STPG2: variants seen among roughly 807,000 people sequenced by gnomAD.
The protein encoded by STPG2 is sperm-tail PG-rich repeat-containing protein 2.
A neutral mutation model predicts 54.2 loss-of-function variants in STPG2; 56 were observed. That is an observed-to-expected ratio of 1.03 (90% CI 0.83 to 1.29). The LOEUF (loss-of-function observed/expected upper bound fraction) is 1.29. Ranked by LOEUF, STPG2 falls within the 50% of genes most tolerant of loss-of-function variation. The pLI is 0.00. For synonymous variants in STPG2, 200 were observed against 181.8 expected, an observed-to-expected ratio of 1.10 and a Z score of -0.81; for missense variants, 596 against 544.9, an observed-to-expected ratio of 1.09 and a Z score of -0.93.
At chr4:97,713,381 T>A (rs1724193525) in intron 9 of STPG2, among the ~76,000 whole-genome samples, 1 of 152,170 alleles carries the variant, frequency 6.6e-6, no homozygotes, top group Admixed American at 6.6e-5. Flanking sequence ...CCCCAAATTC[T>A]TACAGAAGTG....
At chr4:97,876,431 A>T (rs1730174397) in intron 8 of STPG2, among the ~76,000 whole-genome samples, 1 of 152,068 alleles carries the variant, frequency 6.6e-6, no homozygotes. Flanking sequence ...GATGTCTTAA[A>T]AGCATATTTA....
intron 5 of STPG2, among the ~76,000 whole-genome samples, chr4:98,099,517 G>A (rs1384345015): frequency 2.0e-5 from 3 of 152,140 alleles, no homozygotes; most frequent in South Asian, 2.1e-4. Flanking sequence ...TACTGGGTAC[G>A]AAAAATAAAT....
Position 97,597,447 on chromosome 4 carries a change from T to G in STPG2, c.1321-38330A>C, listed in dbSNP as rs541062711. On this transcript the variant is annotated intron_variant, in intron 10 of 10. Coordinates refer to ENST00000295268, the MANE Select transcript of STPG2 (RefSeq NM_174952.3). ...TCCTGATACCAAAACCTGGCAGAGA[T>G]TCAACTAAGAAAGAAAACTTTTACC... is the stretch of plus-strand genomic sequence containing the variant. 2.6e-5 allele frequency among the ~76,000 whole-genome samples: 4 copies of G among 151,880 alleles called. 1 individual carries two copies. The South Asian group carries it at 8.3e-4, about 32-fold the overall frequency.
At chr4:97,912,684 G>A (rs1012185375) in intron 8 of STPG2, among the ~76,000 whole-genome samples, 13 of 152,084 alleles carry the variant, frequency 8.5e-5, no homozygotes, top group Non-Finnish European at 1.6e-4. Context: ...AAGAAATTTG[G>A]GATAATTTAA....
intron 5 of STPG2, among the ~76,000 whole-genome samples, chr4:98,075,863 A>G (rs538171236): frequency 4.5e-4 from 69 of 152,344 alleles, no homozygotes; most frequent in African/African-American, 1.4e-3. Flanking sequence ...TATATTTTTT[A>G]GGGAGTTTAA....
chr4:97,671,062 A>G (rs1259029965), intron 10 of STPG2, among the ~76,000 whole-genome samples: 1 of 152,164 alleles, frequency 6.6e-6, no homozygotes, highest in Non-Finnish European at 1.5e-5. Context: ...CCTATCTATC[A>G]TCCTCTCATC....
At chr4:97,523,991 T>A (rs1039148802) in intron 4 of STPG2, among the ~76,000 whole-genome samples, 1 of 151,814 alleles carries the variant, frequency 6.6e-6, no homozygotes, top group Non-Finnish European at 1.5e-5. Flanking sequence ...CAGACCTGGG[T>A]TCAAGGGACA....
intron 5 of STPG2, among the ~76,000 whole-genome samples, chr4:98,015,874 G>A (rs1020886366): frequency 6.6e-6 from 1 of 152,106 alleles, no homozygotes; most frequent in African/African-American, 2.4e-5. Flanking sequence ...ATACTATGCA[G>A]CCATAAAGAA....
chr4:97,539,859 A>G (rs1178055735), intron 4 of STPG2, among the ~76,000 whole-genome samples: 1 of 152,198 alleles, frequency 6.6e-6, no homozygotes, highest in Admixed American at 6.5e-5. Flanking sequence ...AATCTGAACA[A>G]CCTGCTCCTG....
chr4:97,740,048 G>C lies in STPG2; in HGVS notation c.1205-27234C>G, dbSNP rs1050107677. On this transcript the variant is annotated intron_variant, in intron 9 of 10. Transcript: ENST00000295268. ...GTGGGCTTCATCCCTGGGATGCAAGGCTGGTTCAATATACACAAATCAATA... is the reference window on the plus strand; with the variant it reads ...GTGGGCTTCATCCCTGGGATGCAAGCCTGGTTCAATATACACAAATCAATA... 5.0e-4 allele frequency among the ~76,000 whole-genome samples: 76 copies of C among 152,168 alleles called. 1 individual carries two copies. Among genetic ancestry groups the C allele is most frequent in the Admixed American group, 3.5e-3 (54 of 15,276 alleles).
intron 5 of STPG2, among the ~76,000 whole-genome samples, chr4:98,060,507 A>T (rs748462038): frequency 1.3e-5 from 2 of 152,214 alleles, no homozygotes; most frequent in African/African-American, 2.4e-5. Context: ...CAATTTACAG[A>T]TTCAATGCTA....
chr4:98,060,087 A>T lies in STPG2; in HGVS notation c.612+45866T>A, dbSNP rs376048601. On this transcript the variant is annotated intron_variant, in intron 5 of 10. Coordinates refer to ENST00000295268, the MANE Select transcript of STPG2 (RefSeq NM_174952.3). ...GAGCAATCAGGCAAAAGAAAGAAAT[A>T]GAGGGCATCCTCTCTTCAAATAGGA... 1.8e-4 allele frequency among the ~76,000 whole-genome samples: 27 copies of T among 152,334 alleles called. 1 individual carries two copies. Among genetic ancestry groups the T allele is most frequent in the African/African-American group, 6.0e-4 (25 of 41,582 alleles).
chr4:97,942,692 A>G (rs1285302649), intron 8 of STPG2, among the ~76,000 whole-genome samples: 2 of 152,122 alleles, frequency 1.3e-5, no homozygotes, highest in African/African-American at 4.8e-5. Context: ...TCATTCCCTT[A>G]AATTAGTTCA....
intron 9 of STPG2, among the ~76,000 whole-genome samples, chr4:97,714,296 G>C (rs1724222419): frequency 3.3e-5 from 5 of 152,008 alleles, no homozygotes. Flanking sequence ...CATTAATATA[G>C]GACATTTCAA....
chr4:97,953,299 C>G (rs539432918), intron 7 of STPG2, among the ~76,000 whole-genome samples: 2 of 152,254 alleles, frequency 1.3e-5, no homozygotes, highest in African/African-American at 4.8e-5. Flanking sequence ...CGTCCAGCTC[C>G]CATGCACTTG....
At chr4:97,779,606 A>G (rs1240828051) in intron 9 of STPG2, among the ~76,000 whole-genome samples, 1 of 152,160 alleles carries the variant, frequency 6.6e-6, no homozygotes, top group African/African-American at 2.4e-5. Context: ...CCTCAACAAG[A>G]GCAACTCCAA....
chr4:97,965,177 C>G (rs1006377378), intron 7 of STPG2, among the ~76,000 whole-genome samples: 11 of 152,184 alleles, frequency 7.2e-5, no homozygotes, highest in Admixed American at 7.2e-4. Context: ...ACCGACAGAC[C>G]AGGAGATTAT....
chr4:97,723,627 G>C (rs949024622), intron 9 of STPG2, among the ~76,000 whole-genome samples: 1 of 151,940 alleles, frequency 6.6e-6, no homozygotes, highest in African/African-American at 2.4e-5. Context: ...TAAATGTATT[G>C]GTCCATTTTC....
chr4:97,738,806 G>C (rs1485287175), intron 9 of STPG2, among the ~76,000 whole-genome samples: 1 of 152,076 alleles, frequency 6.6e-6, no homozygotes, highest in Non-Finnish European at 1.5e-5. Flanking sequence ...AGATCAACAA[G>C]ACAGAAAGTC....
Sources: allele counts gnomAD v4.1 joint callset (sites outside exome capture counted in the v4.1 genomes callset), GRCh38; gene constraint gnomAD v4.1.1; transcripts MANE v1.5; gene names NCBI Gene and HGNC (gene_info 2026-07-23, HGNC 2026-07-21).